NEK8: variants seen among roughly 807,000 people sequenced by gnomAD.
NEK8 encodes the protein serine/threonine-protein kinase Nek8.
In NEK8, 51 loss-of-function variants were observed where a neutral mutation model predicts 77.2. That is an observed-to-expected ratio of 0.66 (90% confidence interval 0.53 to 0.83). The LOEUF (loss-of-function observed/expected upper bound fraction) is 0.83. Among genes scored for constraint, NEK8 ranks in the 40% least tolerant of loss-of-function variants. The pLI is 0.00. For synonymous variants in NEK8, 365 were observed against 363.2 expected (o/e 1.00, Z -0.06); for missense variants, 787 against 909.2 (o/e 0.87, Z 1.73).
chr17:28,730,041 C>T (rs1476752052), intron 1 of NEK8, among the ~76,000 whole-genome samples: 1 of 152,072 alleles, frequency 6.6e-6, no homozygotes, highest in Non-Finnish European at 1.5e-5. Flanking sequence ...ATGTAATTGT[C>T]GAGGGCGGGG....
rs750034321 is a variant in NEK8, at chr17:28,740,593, C to A, written c.1548C>A (p.Ala516=). The change falls in exon 11 of 15, where the codon GCC becomes GCA. Residue 516 remains alanine, a synonymous_variant. Coordinates refer to ENST00000268766, the MANE Select transcript of NEK8 (RefSeq NM_178170.3). This position sits in a 1 kb window ranked among gnomAD's most constrained non-coding sequence, Gnocchi z 4.7. ...SSMILTVPGQ[A]LACGSNRFNK... ...TGATCCTCACTGTGCCTGGCCAAGC[C>A]CTAGCCTGTGGGAGCAACAGGTGAA... The A allele has an allele frequency of 4.3e-6, 7 of 1,614,198 alleles. No homozygotes were observed. The highest frequency in any genetic ancestry group is 1.7e-5 in the Admixed American group (1 of 60,024).
chr17:28,738,333 ATGCTTCTGTCTACTAGTTATCGAGTTAT>A (rs1412644810), intron 8 of NEK8, 88 bp downstream of exon 8: 27 of 1,456,944 alleles, frequency 1.9e-5, no homozygotes, highest in Non-Finnish European at 2.2e-5. Flanking sequence ...CACTTAATGA[ATGCTTCTGTCTACTAGTTATCGAGTTAT>A]TGCTTCTGTC....
rs2034352453 is a variant in NEK8, at chr17:28,735,288, C to G, written c.535C>G (p.Pro179Ala). The G allele has an allele frequency of 1.2e-6, 2 of 1,613,958 alleles. No homozygotes were observed. The highest frequency in any genetic ancestry group is 2.7e-5 in the African/African-American group (2 of 74,908). ...CTCCCCTGAGCTGTGTGAGGGCAAG[C>G]CCTACAACCAGAAGAGTGACATCTG... ...YISPELCEGKPYNQKSDIWAL... is the reference protein window; with the variant it reads ...YISPELCEGKAYNQKSDIWAL... The change falls in exon 4 of 15, where the codon CCC becomes GCC. Residue 179 changes from proline to alanine, a missense_variant. Coordinates refer to ENST00000268766, the MANE Select transcript of NEK8 (RefSeq NM_178170.3).
intron 2 of NEK8, 98 bp downstream of exon 2, chr17:28,734,286 G>C (rs1184920881): frequency 9.1e-7 from 1 of 1,103,940 alleles, no homozygotes; most frequent in African/African-American, 1.5e-5. Context: ...AATGGGCATG[G>C]CCAAGGGTTA....
In NEK8 at chr17:28,741,095, A is replaced by G; in HGVS notation, c.1750A>G (p.Thr584Ala). Reference sequence around the variant, plus strand: ...CCCCATAGCCTCGGGTGATTGCTACACTTTTGGCAGCAATCAGCACGGACA... The same window carrying G: ...CCCCATAGCCTCGGGTGATTGCTACGCTTTTGGCAGCAATCAGCACGGACA... ...AAVTASGDCY[T>A]FGSNQHGQLG... Residue 584 changes from threonine to alanine, a missense_variant, in exon 13 of 15, where the codon ACT becomes GCT. Transcript: ENST00000268766. The surrounding 1 kb of genome is among the most constrained non-coding windows in gnomAD (Gnocchi z 4.5). The G allele has an allele frequency of 6.2e-7, 1 of 1,614,050 alleles. No homozygotes were observed. The highest frequency in any genetic ancestry group is 8.5e-7 in the Non-Finnish European group (1 of 1,180,012).
intron 4 of NEK8, 138 bp downstream of exon 4, chr17:28,735,509 G>A: frequency 1.0e-6 from 1 of 959,942 alleles, no homozygotes; most frequent in Non-Finnish European, 1.6e-6. Flanking sequence ...GGAGGGCTAT[G>A]GGTGTCCCTC....
intron 1 of NEK8, among the ~76,000 whole-genome samples, chr17:28,729,576 G>A (rs1283313481): frequency 7.7e-6 from 1 of 129,984 alleles, no homozygotes; most frequent in Non-Finnish European, 1.5e-5. Flanking sequence ...TCACTCTGTC[G>A]CAGTGGCGCG....
chr17:28,741,326 C>CA lies in NEK8; in HGVS notation c.1892-86dup. On this transcript the variant is annotated intron_variant, in intron 13 of 14. Coordinates refer to ENST00000268766, the MANE Select transcript of NEK8 (RefSeq NM_178170.3). This position sits in a 1 kb window ranked among gnomAD's most constrained non-coding sequence, Gnocchi z 4.5. ...AGGGCCACTGGACTCTGGAGCCTCC[C>CA]AGGGGCCATCCTGGCAATGTGGGAG... is the stretch of plus-strand genomic sequence containing the variant. The CA allele has an allele frequency of 6.3e-7, 1 of 1,599,292 alleles. No homozygotes were observed. The highest frequency in any genetic ancestry group is 8.5e-7 in the Non-Finnish European group (1 of 1,171,946).
intron 1 of NEK8, among the ~76,000 whole-genome samples, chr17:28,731,954 G>A (rs867455738): frequency 4.8e-4 from 42 of 87,754 alleles, no homozygotes; most frequent in Middle Eastern, 0.013. Context: ...TTTTTGAGAC[G>A]GAGTCTTGCT....
At chr17:28,735,115 G>A (rs1176298576) in intron 3 of NEK8, 111 bp downstream of exon 3, 1 of 1,535,122 alleles carries the variant, frequency 6.5e-7, no homozygotes, top group Non-Finnish European at 8.9e-7. Context: ...GCCCCTGTTT[G>A]GGTGGTTCTG....
In NEK8 at chr17:28,737,684, G is replaced by C. The variant is rs768900584; in HGVS notation, c.837G>C (p.Lys279Asn). The C allele has an allele frequency of 6.2e-7, 1 of 1,614,174 alleles. No individual in the cohort carries two copies. Among genetic ancestry groups the C allele is most frequent in the Admixed American group, 1.7e-5 (1 of 60,024 alleles). ...VGSVRMRRAE[K>N]SVAPSNTGSR... ...CCCATCTGTCCTGCAGGGCAGAGAAGTCCGTGGCCCCCAGCAACACAGGGA... is the reference window on the plus strand; with the variant it reads ...CCCATCTGTCCTGCAGGGCAGAGAACTCCGTGGCCCCCAGCAACACAGGGA... Residue 279 changes from lysine (K) to asparagine (N), a missense_variant, in exon 6 of 15, where the codon AAG becomes AAC. This residue lies in a region of NEK8 where 271 missense variants were observed against 365.1 expected (regional missense o/e 0.74). Coordinates refer to ENST00000268766, the MANE Select transcript of NEK8 (RefSeq NM_178170.3). The surrounding 1 kb of genome is among the most constrained non-coding windows in gnomAD (Gnocchi z 4.8).
Position 28,741,956 on chromosome 17 carries a change from C to T in NEK8, c.2051-3C>T. 1.2e-6 allele frequency: 2 copies of T among 1,614,102 alleles called. No homozygotes were observed. Among genetic ancestry groups the T allele is most frequent in the Non-Finnish European group, 1.7e-6 (2 of 1,179,996 alleles). ...GCAAGGGTTTCTCTTCGGTACCCTC[C>T]AGCGGTCACAGATGAGCCGGTCCCC... On this transcript the variant is annotated splice_polypyrimidine_tract_variant and splice_region_variant and intron_variant, in intron 14 of 14. Coordinates refer to ENST00000268766, the MANE Select transcript of NEK8 (RefSeq NM_178170.3). The surrounding 1 kb of genome is among the most constrained non-coding windows in gnomAD (Gnocchi z 4.5).
chr17:28,738,654 A>G lies in NEK8; in HGVS notation c.1223-17A>G. ...TAACTTCTTTCCCTTCTCCTTCCTC[A>G]CTGCCCTTCTCCCCAGACAGAGGCA... On this transcript the variant is annotated splice_polypyrimidine_tract_variant and intron_variant, in intron 8 of 14. Coordinates refer to ENST00000268766, the MANE Select transcript of NEK8 (RefSeq NM_178170.3). The G allele has an allele frequency of 6.2e-7, 1 of 1,611,876 alleles. No individual in the cohort carries two copies.
chr17:28,739,189 C>A lies in NEK8; in HGVS notation c.1405C>A (p.Arg469Ser). ...STERELFAWGRGDSGRLGLGT... is the reference protein window; with the variant it reads ...STERELFAWGSGDSGRLGLGT... ...TGAGCGAGAACTATTTGCCTGGGGC[C>A]GTGGAGACAGCGGTAAGCTCCAGCC... The change falls in exon 10 of 15, where the codon CGT becomes AGT. Residue 469 changes from arginine (R) to serine (S), a missense_variant. Arg to Ser is a moderately radical substitution (Grantham distance 110). This residue lies in a region of NEK8 where 516 missense variants were observed against 544.0 expected (regional missense o/e 0.95). Transcript: ENST00000268766. The A allele has an allele frequency of 6.2e-7, 1 of 1,613,000 alleles. No homozygotes were observed. Among genetic ancestry groups the A allele is most frequent in the Non-Finnish European group, 8.5e-7 (1 of 1,178,932 alleles).
intron 9 of NEK8, 131 bp from the exon 10 acceptor site, chr17:28,738,953 T>C (rs2034394114): frequency 1.2e-6 from 1 of 866,670 alleles, no homozygotes; most frequent in Non-Finnish European, 2.0e-6. Context: ...TGGCAGTGTG[T>C]ATGGCTGGAT....
In NEK8 at chr17:28,741,041, C is replaced by T; in HGVS notation, c.1733-37C>T. 1 of 1,614,108 alleles carries T rather than the reference C, an allele frequency of 6.2e-7. No homozygotes were observed. The highest frequency in any genetic ancestry group is 8.5e-7 in the Non-Finnish European group (1 of 1,180,018). The stretch of plus-strand genomic sequence containing the variant: ...GGGGGACTCACGGTCTCCTTGGTAC[C>T]CTGTTGAAGCACCCCTTTCCTTCCT... On this transcript the variant is annotated intron_variant, in intron 12 of 14. Transcript: ENST00000268766. The surrounding 1 kb of genome is among the most constrained non-coding windows in gnomAD (Gnocchi z 4.5).
intron 4 of NEK8, among the ~76,000 whole-genome samples, chr17:28,735,773 TTTATTTA>T (rs2034358402): frequency 6.7e-6 from 1 of 149,418 alleles, no homozygotes; most frequent in African/African-American, 2.5e-5. Context: ...TTATTGTTTA[TTTATTTA>T]TTTTTTTTAT....
In NEK8 at chr17:28,733,993, C is replaced by T; in HGVS notation, c.58C>T (p.Leu20=). 2.5e-6 allele frequency: 4 copies of T among 1,614,162 alleles called. No individual in the cohort carries two copies. The highest frequency in any genetic ancestry group is 3.4e-6 in the Non-Finnish European group (4 of 1,180,004). ...CCTCCGTATCCCTAGGATTGTGCAC[C>T]TGTGCCTGCGAAAGGCTGACCAGAA... is the stretch of plus-strand genomic sequence containing the variant. ...VGRGAFGIVH[L]CLRKADQKLV... The change falls in exon 2 of 15, where the codon CTG becomes TTG. Residue 20 remains leucine, a synonymous_variant. Coordinates refer to ENST00000268766, the MANE Select transcript of NEK8 (RefSeq NM_178170.3).
At chr17:28,739,263 T>TA (rs1290419446) in intron 10 of NEK8, 62 bp downstream of exon 10, 18 of 1,059,028 alleles carry the variant, frequency 1.7e-5, no homozygotes, top group Non-Finnish European at 1.3e-5. Flanking sequence ...CTCCCCTTCA[T>TA]ACCCACCTTC....
Sources: gnomAD v4.1 joint callset for allele counts (sites outside exome capture counted in the v4.1 genomes callset) on GRCh38, gnomAD v4.1.1 for gene constraint, gnomAD v4.1.1 regional missense constraint, Gnocchi (gnomAD v3.1) non-coding constraint, MANE v1.5 for transcripts, NCBI Gene and HGNC (gene_info 2026-07-23, HGNC 2026-07-21) for gene names.